Variants in IMMP2L observed in about 807,000 individuals in gnomAD.
IMMP2L encodes inner mitochondrial membrane peptidase subunit 2, also known as mitochondrial inner membrane protease subunit 2.
In IMMP2L, 18 loss-of-function variants were observed where a neutral mutation model predicts 19.3. That is an observed-to-expected ratio of 0.93 (90% confidence interval 0.64 to 1.38). The LOEUF (loss-of-function observed/expected upper bound fraction) is 1.38. Ranked by LOEUF, IMMP2L falls within the 40% of genes most tolerant of loss-of-function variation. The pLI, the probability that IMMP2L is intolerant of heterozygous loss-of-function variation, is 0.00. For synonymous variants in IMMP2L, 76 were observed against 73.0 expected (o/e 1.04, Z -0.21); for missense variants, 233 against 218.2 (o/e 1.07, Z -0.43).
At chr7:111,441,929 T>C (rs1003807532) in intron 3 of IMMP2L, among the ~76,000 whole-genome samples, 1 of 151,576 alleles carries the variant, frequency 6.6e-6, no homozygotes, top group Admixed American at 6.6e-5. Context: ...ACAAGGTCAG[T>C]AGATCGAGAC....
At chr7:111,509,365 T>A (rs1347117302) in intron 2 of IMMP2L, among the ~76,000 whole-genome samples, 1 of 152,192 alleles carries the variant, frequency 6.6e-6, no homozygotes, top group East Asian at 1.9e-4. Flanking sequence ...GGGCTCCTTA[T>A]CCTTCGTGTT....
At chr7:110,932,292 G>A (rs1192377571) in intron 4 of IMMP2L, among the ~76,000 whole-genome samples, 1 of 152,220 alleles carries the variant, frequency 6.6e-6, no homozygotes, top group East Asian at 1.9e-4. Flanking sequence ...AGATGTTTAA[G>A]CCCTTTCTGA....
intron 3 of IMMP2L, among the ~76,000 whole-genome samples, chr7:111,312,418 T>C (rs1823617045): frequency 6.6e-6 from 1 of 152,118 alleles, no homozygotes; most frequent in Non-Finnish European, 1.5e-5. Context: ...GAACTGAAGT[T>C]TGGTTCTTAT....
chr7:111,556,853 T>C (rs1791426620), intron 1 of IMMP2L, among the ~76,000 whole-genome samples: 1 of 152,070 alleles, frequency 6.6e-6, no homozygotes, highest in African/African-American at 2.4e-5. Context: ...CTTTGCAATC[T>C]CTTGTGATGT....
intron 1 of IMMP2L, among the ~76,000 whole-genome samples, chr7:111,553,322 T>C (rs1790892958): frequency 6.6e-6 from 1 of 152,138 alleles, no homozygotes; most frequent in African/African-American, 2.4e-5. Context: ...GGTATAATAC[T>C]GTAAGGATGA....
intron 3 of IMMP2L, among the ~76,000 whole-genome samples, chr7:111,341,374 T>C (rs893086635): frequency 9.9e-5 from 15 of 152,024 alleles, no homozygotes; most frequent in African/African-American, 3.1e-4. Context: ...TCAGCAAACA[T>C]AATGAATGAA....
At chr7:111,025,999 T>A (rs973565559) in intron 3 of IMMP2L, among the ~76,000 whole-genome samples, 1 of 150,466 alleles carries the variant, frequency 6.6e-6, no homozygotes, top group Middle Eastern at 3.4e-3. Flanking sequence ...TGATAGATCC[T>A]TTTGCTAATA....
At chr7:111,283,144 T>C (rs1820088181) in intron 3 of IMMP2L, among the ~76,000 whole-genome samples, 1 of 152,110 alleles carries the variant, frequency 6.6e-6, no homozygotes, top group South Asian at 2.1e-4. Flanking sequence ...AGAATAAAAT[T>C]AGACATCAAT....
At chr7:110,689,846 G>A (rs1313604706) in intron 5 of IMMP2L, among the ~76,000 whole-genome samples, 1 of 152,024 alleles carries the variant, frequency 6.6e-6, no homozygotes, top group Non-Finnish European at 1.5e-5. Flanking sequence ...ACTTATTTTT[G>A]CCAGGTAACA....
chr7:110,725,348 T>C (rs919847976), intron 5 of IMMP2L, among the ~76,000 whole-genome samples: 1 of 152,204 alleles, frequency 6.6e-6, no homozygotes, highest in Non-Finnish European at 1.5e-5. Flanking sequence ...TTGGTAAATT[T>C]TGGCTTTTGT....
Position 111,016,861 on chromosome 7 carries a change from A to ATT in IMMP2L, c.240-53297_240-53296insAA, listed in dbSNP as rs1197265531. Among the ~76,000 whole-genome samples, 3 of 84,370 alleles carry ATT rather than the reference A, an allele frequency of 3.6e-5. No individual in the cohort carries two copies. In the East Asian group the frequency reaches 9.3e-4, roughly 26 times the overall value. 55.3% of individuals were successfully genotyped at this position (84,370 alleles called of 152,430 possible). On this transcript the variant is annotated intron_variant, in intron 3 of 5. Coordinates refer to ENST00000405709, the MANE Select transcript of IMMP2L (RefSeq NM_032549.4). ...ATATTATATATAATATATATTATAT[A>ATT]ATATATTACATATAATATATATTAT...
rs1360085976 is a variant in IMMP2L, at chr7:110,760,815, G to A, written c.409-97094C>T. ...CTATTTCTTACTACAAGTGTAGAAC[G>A]CCAGATAGGATCATCACAGTAGGCA... On this transcript the variant is annotated intron_variant, in intron 5 of 5. Coordinates refer to ENST00000405709, the MANE Select transcript of IMMP2L (RefSeq NM_032549.4). The surrounding 1 kb of genome is among the most constrained non-coding windows in gnomAD (Gnocchi z 4.2). Among the ~76,000 whole-genome samples, 8 of 151,774 alleles carry A rather than the reference G, an allele frequency of 5.3e-5. No individual in the cohort carries two copies. The highest frequency in any genetic ancestry group is 8.8e-5 in the Non-Finnish European group (6 of 67,952).
intron 5 of IMMP2L, among the ~76,000 whole-genome samples, chr7:110,762,956 TC>T (rs1798440242): frequency 6.6e-6 from 1 of 152,192 alleles, no homozygotes; most frequent in Admixed American, 6.6e-5. Flanking sequence ...TTAACCATTC[TC>T]TTTTCCTGTA....
At chr7:110,671,319 C>A (rs191539140) in intron 5 of IMMP2L, among the ~76,000 whole-genome samples, 12 of 152,142 alleles carry the variant, frequency 7.9e-5, no homozygotes, top group Non-Finnish European at 1.5e-4. Context: ...TCCATAAAAT[C>A]AAATGTTAAT....
intron 5 of IMMP2L, among the ~76,000 whole-genome samples, chr7:110,696,628 G>A (rs932620517): frequency 6.6e-6 from 1 of 151,956 alleles, no homozygotes; most frequent in Admixed American, 6.6e-5. Flanking sequence ...GTTTCACCAT[G>A]TTGGCCAGGC....
chr7:111,066,610 T>C (rs999200940), intron 3 of IMMP2L, among the ~76,000 whole-genome samples: 1 of 152,156 alleles, frequency 6.6e-6, no homozygotes, highest in African/African-American at 2.4e-5. Context: ...AATGGCCAAA[T>C]AGCTAACTTT....
chr7:111,427,761 G>T (rs59395778), intron 3 of IMMP2L, among the ~76,000 whole-genome samples: 3,228 of 151,662 alleles, frequency 0.021, 204 homozygotes, highest in African/African-American at 0.074. Context: ...TAATATTTAC[G>T]ACAGTATTAA....
intron 1 of IMMP2L, among the ~76,000 whole-genome samples, chr7:111,526,124 C>T (rs772798120): frequency 1.2e-4 from 19 of 152,128 alleles, no homozygotes; most frequent in Non-Finnish European, 1.9e-4. Context: ...AGAGTATATA[C>T]AGAATTTATT....
At chr7:110,994,575 G>A (rs867114164) in intron 3 of IMMP2L, among the ~76,000 whole-genome samples, 2 of 152,058 alleles carry the variant, frequency 1.3e-5, no homozygotes, top group East Asian at 3.9e-4. Context: ...CAATGGGATG[G>A]GGAGCACCAA....
Sources: gnomAD v4.1 joint callset for allele counts (sites outside exome capture counted in the v4.1 genomes callset) on GRCh38, gnomAD v4.1.1 for gene constraint, Gnocchi (gnomAD v3.1) non-coding constraint, MANE v1.5 for transcripts, NCBI Gene and HGNC (gene_info 2026-07-23, HGNC 2026-07-21) for gene names.